The following MOB4 variants were observed in gnomAD, a reference collection of about 807,000 sequenced individuals.
MOB4 encodes MOB-like protein phocein.
Under a neutral mutation model 32.2 loss-of-function variants are expected in MOB4, and 4 were observed. The ratio of observed to expected loss-of-function variants is 0.12; its 90% confidence interval spans 0.06 to 0.28. MOB4 has a LOEUF of 0.28. Among genes scored for constraint, MOB4 ranks in the 10% least tolerant of loss-of-function variants. The pLI, the probability that MOB4 is intolerant of heterozygous loss-of-function variation, is 1.00. For synonymous variants in MOB4, 88 were observed against 88.1 expected, an observed-to-expected ratio of 1.00 and a Z score of 0.01; for missense variants, 158 against 271.2, an observed-to-expected ratio of 0.58 and a Z score of 2.93.
rs757437577 is a variant in MOB4, at chr2:197,548,318, A to G, written c.355-18A>G. 58 of 1,594,606 alleles carry G rather than the reference A, an allele frequency of 3.6e-5. No homozygotes were observed. Among genetic ancestry groups the G allele is most frequent in the Non-Finnish European group, 4.8e-5 (56 of 1,169,074 alleles). On this transcript the variant is annotated intron_variant, in intron 5 of 7. Coordinates refer to ENST00000323303, the MANE Select transcript of MOB4 (RefSeq NM_015387.5). ...GAGAGCTCTTTGTTGATGCATTTCT[A>G]TATTCTTTCTTTTGTAGTGTCCTGC...
At chr2:197,529,127 G>A (rs1174229953) in intron 2 of MOB4, among the ~76,000 whole-genome samples, 8 of 151,726 alleles carry the variant, frequency 5.3e-5, no homozygotes, top group East Asian at 2.0e-4. Context: ...ACAGGCATGC[G>A]CCACCACCCC....
intron 2 of MOB4, among the ~76,000 whole-genome samples, chr2:197,534,152 T>C (rs1003361460): frequency 1.3e-5 from 2 of 152,176 alleles, no homozygotes; most frequent in Non-Finnish European, 2.9e-5. Flanking sequence ...TGAGACCTTT[T>C]GTTTGGAAAA....
At chr2:197,545,109 A>G (rs577609505) in intron 5 of MOB4, among the ~76,000 whole-genome samples, 1 of 152,348 alleles carries the variant, frequency 6.6e-6, no homozygotes, top group Non-Finnish European at 1.5e-5. Context: ...GAATATTCAC[A>G]GTCACATTAT....
intron 2 of MOB4, among the ~76,000 whole-genome samples, chr2:197,525,602 G>A (rs960716604): frequency 5.9e-5 from 9 of 151,390 alleles, no homozygotes; most frequent in Admixed American, 2.0e-4. Context: ...GCTAGGTGGC[G>A]TGCACCTGTA....
chr2:197,549,488 T>A (rs1279075299), intron 6 of MOB4, among the ~76,000 whole-genome samples: 1 of 152,158 alleles, frequency 6.6e-6, no homozygotes, highest in Non-Finnish European at 1.5e-5. Context: ...GTATACATAT[T>A]TTAAAAAAGG....
chr2:197,516,133 G>T lies in MOB4; in HGVS notation c.47G>T (p.Gly16Val). ...GCAGTGCTGAGGCGGAACAGGCCGG[G>T]CACCAAGGCGCAGGTACCATGTCTG... ...GTAVLRRNRP[G>V]TKAQDFYNWP... The change falls in exon 1 of 8, where the codon GGC becomes GTC. Residue 16 changes from glycine (G) to valine (V), a missense_variant. By Grantham distance (109) the Gly-to-Val change is moderately radical (BLOSUM62 -3). Around this residue, in one of 6 missense-constraint regions of MOB4, gnomAD observed 41 missense variants for 26.4 expected, o/e 1.55. Transcript: ENST00000323303. The T allele has an allele frequency of 6.2e-7, 1 of 1,603,570 alleles. No individual in the cohort carries two copies. Among genetic ancestry groups the T allele is most frequent in the Non-Finnish European group, 8.5e-7 (1 of 1,176,212 alleles).
intron 2 of MOB4, chr2:197,534,106 T>C: frequency 3.5e-6 from 1 of 288,254 alleles, no homozygotes; most frequent in Non-Finnish European, 6.9e-6. Flanking sequence ...TTTTGGTTTC[T>C]ATGCTCTGCA....
intron 2 of MOB4, among the ~76,000 whole-genome samples, chr2:197,535,284 C>G (rs147379018): frequency 1.0e-3 from 152 of 150,390 alleles, no homozygotes; most frequent in African/African-American, 3.3e-3. Context: ...CCAGTCCTGA[C>G]AAATACAATA....
At chr2:197,526,437 C>T (rs554073592) in intron 2 of MOB4, among the ~76,000 whole-genome samples, 2 of 152,192 alleles carry the variant, frequency 1.3e-5, no homozygotes, top group African/African-American at 4.8e-5. Flanking sequence ...CTGCCTCAGC[C>T]TCCTGAATAG....
rs1378738628 is a variant in MOB4 at position 197,552,580 on chromosome 2, A to G, written c.*1934A>G. On this transcript the variant is annotated 3_prime_UTR_variant, in exon 8 of 8. Coordinates refer to ENST00000323303, the MANE Select transcript of MOB4 (RefSeq NM_015387.5). ...ACTCATTTCACCTTCCCTGTACTGT[A>G]TGTTTGGAATTGATCATAAAACATC... 1 of 152,216 alleles carries G rather than the reference A, an allele frequency of 6.6e-6. No homozygotes were observed. Among genetic ancestry groups the G allele is most frequent in the Non-Finnish European group, 1.5e-5 (1 of 68,012 alleles). The allele number at this position is 152,216 out of a possible 1,614,324, so 9.4% of individuals were successfully genotyped here.
At chr2:197,525,084 G>A (rs894962574) in intron 2 of MOB4, among the ~76,000 whole-genome samples, 1 of 152,126 alleles carries the variant, frequency 6.6e-6, no homozygotes, top group African/African-American at 2.4e-5. Flanking sequence ...GGTGGCTCAC[G>A]CCTGTAATCC....
At chr2:197,525,381 T>C (rs973503358) in intron 2 of MOB4, among the ~76,000 whole-genome samples, 1 of 151,316 alleles carries the variant, frequency 6.6e-6, no homozygotes, top group African/African-American at 2.4e-5. Context: ...TATTCGGATT[T>C]GTTATGTTAT....
intron 1 of MOB4, among the ~76,000 whole-genome samples, chr2:197,519,783 A>G (rs1259659105): frequency 2.0e-5 from 3 of 152,234 alleles, no homozygotes; most frequent in South Asian, 4.1e-4. Flanking sequence ...TAAAAACAAC[A>G]TTCTGTAAAC....
intron 3 of MOB4, among the ~76,000 whole-genome samples, chr2:197,539,570 G>T (rs1222885407): frequency 3.3e-5 from 5 of 151,922 alleles, no homozygotes; most frequent in Admixed American, 3.3e-4. Context: ...CACCTGCCTC[G>T]GCCTCCCAAA....
chr2:197,530,335 A>G (rs1377807057), intron 2 of MOB4, among the ~76,000 whole-genome samples: 3 of 150,824 alleles, frequency 2.0e-5, no homozygotes, highest in Admixed American at 6.6e-5. Context: ...TGGTACAATC[A>G]TAGCTTACTG....
At chr2:197,539,111 A>G (rs1216069062) in intron 3 of MOB4, among the ~76,000 whole-genome samples, 1 of 151,484 alleles carries the variant, frequency 6.6e-6, no homozygotes, top group African/African-American at 2.4e-5. Context: ...TTGTTTTGGG[A>G]ACCAAAATGA....
chr2:197,521,992 G>A (rs530522373), intron 1 of MOB4, among the ~76,000 whole-genome samples: 1 of 152,292 alleles, frequency 6.6e-6, no homozygotes, highest in Admixed American at 6.5e-5. Flanking sequence ...TTGGGGAAGT[G>A]ATAAGTGTCC....
Position 197,550,282 on chromosome 2 carries a change from A to G in MOB4, c.442A>G (p.Ile148Val). ...TTTCTTTTCTACTTCTAGGGTTAGCATAAAGGAATCATCTGTAGCGAAACT... is the reference window on the plus strand; with the variant it reads ...TTTCTTTTCTACTTCTAGGGTTAGCGTAAAGGAATCATCTGTAGCGAAACT... ...SNKYFPSRVS[I>V]KESSVAKLGS... Residue 148 changes from isoleucine (I) to valine (V), a missense_variant, in exon 7 of 8, where the codon ATA becomes GTA. By Grantham distance (29) the Ile-to-Val change is conservative. Transcript: ENST00000323303. The G allele has an allele frequency of 1.2e-6, 2 of 1,612,446 alleles. No individual in the cohort carries two copies. Among genetic ancestry groups the G allele is most frequent in the Non-Finnish European group, 1.7e-6 (2 of 1,179,770 alleles).
At chr2:197,546,066 TAA>T (rs2086987608) in intron 5 of MOB4, among the ~76,000 whole-genome samples, 1 of 152,188 alleles carries the variant, frequency 6.6e-6, no homozygotes, top group Non-Finnish European at 1.5e-5. Context: ...TTTTATTTTT[TAA>T]TTTTTATTTT....
Sources: gnomAD v4.1 joint callset for allele counts (sites outside exome capture counted in the v4.1 genomes callset) on GRCh38, gnomAD v4.1.1 for gene constraint, gnomAD v4.1.1 regional missense constraint, MANE v1.5 for transcripts, NCBI Gene and HGNC (gene_info 2026-07-23, HGNC 2026-07-21) for gene names.